RTL4: variants seen among roughly 807,000 people sequenced by gnomAD.
RTL4 encodes the protein retrotransposon Gag-like protein 4.
Under a neutral mutation model 5.3 loss-of-function variants are expected in RTL4, and 4 were observed. The observed-to-expected ratio is 0.75, with a 90% confidence interval of 0.37 to 1.72. The LOEUF (loss-of-function observed/expected upper bound fraction) is 1.72, where lower values mean the gene tolerates loss of function less well. RTL4 is among the 40% of genes most tolerant of loss of function. RTL4 has a pLI of 0.04. For synonymous variants in RTL4, 98 were observed against 87.3 expected (o/e 1.12, Z -0.68); for missense variants, 260 against 227.1 (o/e 1.14, Z -0.93).
Position 112,456,013 on chromosome X carries a change from TGA to T in RTL4, c.*354_*355del, listed in dbSNP as rs1339577569. 6 of 283,024 alleles carry T rather than the reference TGA, an allele frequency of 2.1e-5. No individual in the cohort carries two copies. In the South Asian group the frequency reaches 6.1e-4, roughly 29 times the overall value. 23.3% of individuals were successfully genotyped at this position (283,024 alleles called of 1,213,427 possible). A position where few individuals can be genotyped will look rare whatever the true frequency, so the allele number is the denominator to read the frequency against. On this transcript the variant is annotated 3_prime_UTR_variant, in exon 1 of 1. Coordinates refer to ENST00000340433, the Ensembl canonical transcript of RTL4. ...CCTGACCAATGGGTGACATCTGGGT[TGA>T]GTTTGTGTCCCAAATCCTGAATCTT...
the RTL4 span, among the ~76,000 whole-genome samples, chrX:112,221,886 C>A: frequency 1.8e-5 from 2 of 112,713 alleles, no homozygotes; most frequent in Non-Finnish European, 3.7e-5. Context: ...TACCTGTGAG[C>A]TTCCTAGCTT....
At chrX:112,407,780 C>G in the RTL4 span, among the ~76,000 whole-genome samples, 2 of 112,754 alleles carry the variant, frequency 1.8e-5, no homozygotes, top group East Asian at 5.6e-4. Flanking sequence ...GTTACTCTAC[C>G]CCCAGCTCCA....
chrX:112,331,200 T>C, the RTL4 span, among the ~76,000 whole-genome samples: 15 of 104,367 alleles, frequency 1.4e-4, 1 homozygote, highest in Admixed American at 1.6e-3. Context: ...CAAAAGAAAC[T>C]ACCATCAGAG....
the RTL4 span, among the ~76,000 whole-genome samples, chrX:112,149,219 G>A: frequency 9.0e-6 from 1 of 111,526 alleles, no homozygotes; most frequent in Non-Finnish European, 1.9e-5. Flanking sequence ...CGAGGCACTA[G>A]GGATAGAAGA....
At chrX:112,231,273 A>C in the RTL4 span, among the ~76,000 whole-genome samples, 1 of 110,479 alleles carries the variant, frequency 9.1e-6, no homozygotes, top group Admixed American at 9.7e-5. Context: ...ACACATGCAC[A>C]CATGTTTATT....
At chrX:112,455,628 T>G (rs1332189750) in exon 1 of RTL4, 2 of 1,207,742 alleles carry the variant, frequency 1.7e-6, no homozygotes, top group Non-Finnish European at 2.2e-6. Flanking sequence ...GTTCTCGAGC[T>G]CCGGCAACGA....
the RTL4 span, among the ~76,000 whole-genome samples, chrX:112,179,729 C>A: frequency 1.8e-5 from 2 of 112,228 alleles, no homozygotes; most frequent in African/African-American, 3.2e-5. Flanking sequence ...CTTCATGGGG[C>A]TTCAACAGAT....
chrX:112,196,634 G>T, the RTL4 span, among the ~76,000 whole-genome samples: 459 of 111,308 alleles, frequency 4.1e-3, 2 homozygotes, highest in African/African-American at 8.3e-3. Context: ...CTGCATCCTT[G>T]CCAACATTTG....
chrX:112,244,118 A>G, the RTL4 span, among the ~76,000 whole-genome samples: 1 of 111,877 alleles, frequency 8.9e-6, no homozygotes, highest in East Asian at 2.8e-4. Context: ...ACTTCCAATT[A>G]TGTGGTCAAT....
the RTL4 span, among the ~76,000 whole-genome samples, chrX:112,298,661 T>C: frequency 1.8e-5 from 2 of 112,698 alleles, no homozygotes; most frequent in African/African-American, 6.4e-5. Flanking sequence ...GTTTGTTTAG[T>C]GTTCCTGACC....
chrX:112,266,899 T>G, the RTL4 span, among the ~76,000 whole-genome samples: 1 of 111,307 alleles, frequency 9.0e-6, no homozygotes, highest in African/African-American at 3.3e-5. Context: ...GTACCTGTAT[T>G]TTTTCTCTTC....
At chrX:112,122,567 T>G in the RTL4 span, among the ~76,000 whole-genome samples, 1 of 110,042 alleles carries the variant, frequency 9.1e-6, no homozygotes, top group Non-Finnish European at 1.9e-5. Context: ...TAAAAAATAC[T>G]TGTACATTTT....
chrX:112,146,961 T>C, the RTL4 span, among the ~76,000 whole-genome samples: 1 of 104,540 alleles, frequency 9.6e-6, no homozygotes, highest in East Asian at 3.0e-4. Flanking sequence ...TTTGCCTGCA[T>C]TATTTCAATG....
At chrX:112,406,593 G>T in the RTL4 span, among the ~76,000 whole-genome samples, 5 of 111,117 alleles carry the variant, frequency 4.5e-5, no homozygotes, top group African/African-American at 1.6e-4. Context: ...ATTGACATGT[G>T]ATTTGGTGGG....
the RTL4 span, among the ~76,000 whole-genome samples, chrX:112,103,619 GA>G: frequency 3.6e-5 from 4 of 110,757 alleles, no homozygotes; most frequent in Non-Finnish European, 7.6e-5. Flanking sequence ...CTTCACTTAT[GA>G]ATATGGATTT....
chrX:112,232,828 T>C, the RTL4 span, among the ~76,000 whole-genome samples: 1 of 111,137 alleles, frequency 9.0e-6, no homozygotes, highest in Non-Finnish European at 1.9e-5. Context: ...GGAGACTTTC[T>C]TGGAAGCTTC....
chrX:112,287,513 A>T, the RTL4 span, among the ~76,000 whole-genome samples: 2 of 111,796 alleles, frequency 1.8e-5, no homozygotes, highest in African/African-American at 6.5e-5. Context: ...TGATTCAACA[A>T]AAATATTTTG....
chrX:112,352,651 C>T, the RTL4 span, among the ~76,000 whole-genome samples: 1 of 111,171 alleles, frequency 9.0e-6, no homozygotes, highest in South Asian at 3.8e-4. Flanking sequence ...AAACTGGATC[C>T]CTTCCTTACA....
At chrX:112,436,431 C>A in the RTL4 span, among the ~76,000 whole-genome samples, 7 of 111,195 alleles carry the variant, frequency 6.3e-5, no homozygotes, top group Non-Finnish European at 1.3e-4. Flanking sequence ...TCCAGCGCCT[C>A]GCCTTCTGAG....
Sources: gnomAD v4.1 joint callset for allele counts (sites outside exome capture counted in the v4.1 genomes callset) on GRCh38, gnomAD v4.1.1 for gene constraint, MANE v1.5 for transcripts, NCBI Gene and HGNC (gene_info 2026-07-23, HGNC 2026-07-21) for gene names.